The following SGK3 variants were observed in gnomAD, a reference collection of about 807,000 sequenced individuals.
SGK3 encodes serine/threonine-protein kinase Sgk3.
Under a neutral mutation model 68.5 loss-of-function variants are expected in SGK3, and 47 were observed. The observed-to-expected ratio is 0.69, with a 90% confidence interval of 0.54 to 0.87. The LOEUF is 0.87. Ranked by LOEUF, SGK3 falls within the 40% of genes least tolerant of loss-of-function variation. SGK3 has a pLI of 0.00. For missense variants in SGK3, 479 were observed against 575.5 expected (o/e 0.83, Z 1.72); for synonymous variants, 181 against 189.1 (o/e 0.96, Z 0.35).
At chr8:66,840,803 C>G in intron 12 of SGK3, 1 of 299,762 alleles carries the variant, frequency 3.3e-6, no homozygotes. Flanking sequence ...AAAAATTAGC[C>G]AGGTGGCACG....
intron 15 of SGK3, among the ~76,000 whole-genome samples, chr8:66,850,601 CTG>C (rs1206794677): frequency 2.6e-5 from 4 of 152,206 alleles, no homozygotes; most frequent in Non-Finnish European, 4.4e-5. Flanking sequence ...AGGAAACTGA[CTG>C]TGAAGAGAAT....
At chr8:66,817,404 C>T (rs534781939) in intron 5 of SGK3, among the ~76,000 whole-genome samples, 1 of 151,702 alleles carries the variant, frequency 6.6e-6, no homozygotes, top group South Asian at 2.1e-4. Flanking sequence ...GCACTCCAGC[C>T]TGGCGACAGA....
At chr8:66,777,926 A>T (rs77063800) in intron 1 of SGK3, 7,446 of 152,276 alleles carry the variant, frequency 0.049, 229 homozygotes, top group African/African-American at 0.088. Context: ...GTTTTTATTG[A>T]TGAGTTAATC....
chr8:66,716,042 A>G (rs1339274468), intron 1 of SGK3, among the ~76,000 whole-genome samples: 1 of 152,146 alleles, frequency 6.6e-6, no homozygotes, highest in Non-Finnish European at 1.5e-5. Flanking sequence ...ATTAATGTAA[A>G]TTACTGACTA....
intron 4 of SGK3, among the ~76,000 whole-genome samples, chr8:66,808,471 G>A (rs1304254832): frequency 6.6e-6 from 1 of 151,912 alleles, no homozygotes; most frequent in Non-Finnish European, 1.5e-5. Context: ...GAAGAGGAAA[G>A]TGATACAAAC....
At position 66,828,644 on chromosome 8, in the gene SGK3, A is replaced by T. The variant is rs755015498; in HGVS notation, c.418-10A>T. The T allele has an allele frequency of 6.2e-7, 1 of 1,613,706 alleles. No homozygotes were observed. Among genetic ancestry groups the T allele is most frequent in the South Asian group, 1.1e-5 (1 of 91,020 alleles). On this transcript the variant is annotated splice_polypyrimidine_tract_variant and intron_variant, in intron 6 of 16. Coordinates refer to ENST00000521198, the MANE Select transcript of SGK3 (RefSeq NM_001033578.3). ...ATAAGAATGTTGTTTTTCTTTCCCC[A>T]CCTTCACAGCTACACTCTACCTCAC...
intron 2 of SGK3, among the ~76,000 whole-genome samples, chr8:66,796,004 T>C (rs1807665872): frequency 6.6e-6 from 1 of 152,196 alleles, no homozygotes; most frequent in Admixed American, 6.5e-5. Flanking sequence ...TGTTCATCTG[T>C]TATTTGCTGG....
intron 6 of SGK3, among the ~76,000 whole-genome samples, 181 bp downstream of exon 6, chr8:66,822,640 A>G (rs1487229903): frequency 2.0e-5 from 3 of 152,118 alleles, no homozygotes; most frequent in Admixed American, 1.3e-4. Flanking sequence ...TTCTTTTGAG[A>G]TGGAGTCTCA....
intron 1 of SGK3, among the ~76,000 whole-genome samples, chr8:66,746,473 A>G (rs1377830231): frequency 6.6e-6 from 1 of 152,000 alleles, no homozygotes; most frequent in South Asian, 2.1e-4. Context: ...TTACTCAGGG[A>G]GGGGAGGTGG....
At chr8:66,801,359 T>C (rs1807938829) in intron 3 of SGK3, among the ~76,000 whole-genome samples, 1 of 152,248 alleles carries the variant, frequency 6.6e-6, no homozygotes, top group Non-Finnish European at 1.5e-5. Context: ...AGGTTTTTTT[T>C]CTGTAATTAA....
At chr8:66,840,303 G>A (rs1585797838) in intron 12 of SGK3, 56 bp downstream of exon 12, 1 of 1,471,104 alleles carries the variant, frequency 6.8e-7, no homozygotes, top group East Asian at 2.3e-5. Flanking sequence ...TTGCTTTTAT[G>A]CTTAGTGCAA....
rs528993286 is a variant in SGK3 at position 66,830,290 on chromosome 8, A to T, written c.468-964A>T. 1.7e-4 allele frequency among the ~76,000 whole-genome samples: 26 copies of T among 152,348 alleles called. No individual in the cohort carries two copies. In the South Asian group the frequency reaches 5.4e-3, roughly 32 times the overall value. ...CACTGTTAGATTTGTTTACAAAGTT[A>T]TTTCAGTACCTCTGCATATCTTTAA... On this transcript the variant is annotated intron_variant, in intron 7 of 16. Transcript: ENST00000521198.
intron 2 of SGK3, among the ~76,000 whole-genome samples, chr8:66,795,495 C>G (rs954068472): frequency 2.6e-5 from 4 of 152,144 alleles, no homozygotes; most frequent in African/African-American, 9.7e-5. Context: ...CCTTCCTTCC[C>G]TCTCCTTATT....
At chr8:66,819,138 T>C (rs999105054) in intron 5 of SGK3, among the ~76,000 whole-genome samples, 4 of 152,222 alleles carry the variant, frequency 2.6e-5, no homozygotes, top group Admixed American at 2.6e-4. Context: ...ATTTCACTTA[T>C]TACTGTAAGC....
intron 1 of SGK3, among the ~76,000 whole-genome samples, chr8:66,730,877 G>A (rs977318918): frequency 5.3e-5 from 8 of 151,758 alleles, no homozygotes; most frequent in African/African-American, 1.7e-4. Flanking sequence ...GGTAGAGATG[G>A]GGTTTTGCCA....
At chr8:66,761,511 C>G (rs1048565378) in intron 1 of SGK3, among the ~76,000 whole-genome samples, 1 of 152,106 alleles carries the variant, frequency 6.6e-6, no homozygotes, top group Non-Finnish European at 1.5e-5. Context: ...CATGGTGGCT[C>G]ACGCCCCAGC....
At chr8:66,838,573 T>G (rs989414562) in intron 10 of SGK3, among the ~76,000 whole-genome samples, 2 of 152,206 alleles carry the variant, frequency 1.3e-5, no homozygotes, top group African/African-American at 4.8e-5. Flanking sequence ...CTCCCTGCTT[T>G]ATGTGTGGTT....
chr8:66,849,081 T>C lies in SGK3; in HGVS notation c.1230+1733T>C, dbSNP rs138362691. 5.4e-4 allele frequency among the ~76,000 whole-genome samples: 82 copies of C among 152,328 alleles called. 1 individual carries two copies. Among genetic ancestry groups the C allele is most frequent in the African/African-American group, 1.6e-3 (66 of 41,580 alleles). The stretch of plus-strand genomic sequence containing the variant: ...CCTTTTCAAACTTCAAGTGTTGCAG[T>C]GCCCTGTCGTCCTAAACCCTCTTTT... On this transcript the variant is annotated intron_variant, in intron 15 of 16. Transcript: ENST00000521198.
intron 1 of SGK3, among the ~76,000 whole-genome samples, chr8:66,730,152 T>G (rs1161324766): frequency 6.6e-6 from 1 of 152,226 alleles, no homozygotes; most frequent in African/African-American, 2.4e-5. Context: ...TTTAGCCATT[T>G]CAGTGCATGT....
Sources: gnomAD v4.1 joint callset for allele counts (sites outside exome capture counted in the v4.1 genomes callset) on GRCh38, gnomAD v4.1.1 for gene constraint, MANE v1.5 for transcripts, NCBI Gene and HGNC (gene_info 2026-07-23, HGNC 2026-07-21) for gene names.